Variants in FAM13B observed in about 807,000 individuals in gnomAD.
FAM13B encodes the protein protein FAM13B.
In FAM13B, 60 loss-of-function variants were observed where a neutral mutation model predicts 117.3. That is an observed-to-expected ratio of 0.51 (90% CI 0.42 to 0.63). FAM13B has a LOEUF of 0.63. Among genes scored for constraint, FAM13B ranks in the 30% least tolerant of loss-of-function variants. The pLI is 0.00. For synonymous variants in FAM13B, 332 were observed against 356.1 expected (o/e 0.93, Z 0.76); for missense variants, 972 against 1,091.9 (o/e 0.89, Z 1.55).
chr5:138,002,835 T>A (rs1781627606), intron 7 of FAM13B, among the ~76,000 whole-genome samples: 1 of 148,992 alleles, frequency 6.7e-6, no homozygotes, highest in South Asian at 2.1e-4. Context: ...CCGGCTAATT[T>A]TTTTTTTTTT....
intron 1 of FAM13B, among the ~76,000 whole-genome samples, chr5:138,047,567 C>A (rs2151132086): frequency 1.3e-5 from 2 of 152,108 alleles, no homozygotes; most frequent in South Asian, 4.2e-4. Context: ...TGTTACGGCA[C>A]ATAACAAATG....
At chr5:138,020,609 A>G (rs1786475613) in intron 2 of FAM13B, among the ~76,000 whole-genome samples, 1 of 152,228 alleles carries the variant, frequency 6.6e-6, no homozygotes, top group Admixed American at 6.5e-5. Context: ...TGTAAAAGAA[A>G]GAAAAACTCA....
At chr5:138,033,426 G>A (rs1214974817), upstream of FAM13B, among the ~76,000 whole-genome samples, 1 of 152,208 alleles carries the variant, frequency 6.6e-6, no homozygotes, top group Admixed American at 6.5e-5. Flanking sequence ...ATCCAGGTGA[G>A]GAGCACAGAG....
chr5:137,939,067 AAAAAAGATATGCT>A lies in FAM13B; in HGVS notation c.*1145_*1157del, dbSNP rs1760934869. 6.6e-6 allele frequency: 1 copy of A among 152,186 alleles called. No homozygotes were observed. Among genetic ancestry groups the A allele is most frequent in the South Asian group, 2.1e-4 (1 of 4,824 alleles). 9.4% of individuals were successfully genotyped at this position (152,186 alleles called of 1,614,324 possible). On this transcript the variant is annotated 3_prime_UTR_variant, in exon 24 of 24. Transcript: ENST00000689681. ...AGAAAAGCCATGCAAAGCCAAAGGA[AAAAAAGATATGCT>A]AAGAGTATATGACAAGGGGCATACC...
intron 10 of FAM13B, among the ~76,000 whole-genome samples, chr5:137,966,037 G>A (rs1280268470): frequency 6.0e-5 from 9 of 150,984 alleles, no homozygotes; most frequent in Admixed American, 4.0e-4. Flanking sequence ...AAAATCTATA[G>A]TGAATAATCT....
rs1242434810 is a variant in FAM13B, at chr5:137,938,505, T to C, written c.*1720A>G. 3 of 152,598 alleles carry C rather than the reference T, an allele frequency of 2.0e-5. No individual in the cohort carries two copies. Among genetic ancestry groups the C allele is most frequent in the Non-Finnish European group, 2.9e-5 (2 of 68,032 alleles). 9.5% of individuals were successfully genotyped at this position (152,598 alleles called of 1,614,324 possible). A position where few individuals can be genotyped will look rare whatever the true frequency, so the allele number is the denominator to read the frequency against. On this transcript the variant is annotated 3_prime_UTR_variant, in exon 24 of 24. Coordinates refer to ENST00000689681, the MANE Select transcript of FAM13B (RefSeq NM_001385994.1). ...GATGGATTCAAATAAAAATGATACA[T>C]CTTTTGGTATTTTCAATTTCACTTT...
chr5:137,969,022 G>A (rs958178538), intron 10 of FAM13B, among the ~76,000 whole-genome samples: 14 of 152,198 alleles, frequency 9.2e-5, no homozygotes, highest in East Asian at 7.7e-4. Context: ...AGGCGGCAGC[G>A]AGGCTGGGGG....
chr5:138,046,570 T>C (rs1290426872), intron 1 of FAM13B, among the ~76,000 whole-genome samples: 1 of 152,204 alleles, frequency 6.6e-6, no homozygotes, highest in Non-Finnish European at 1.5e-5. Context: ...ATTTTAAAAG[T>C]TGGAAACAAC....
intron 1 of FAM13B, among the ~76,000 whole-genome samples, chr5:138,038,901 A>G (rs1449153293): frequency 6.6e-6 from 1 of 152,186 alleles, no homozygotes. Context: ...CATCTTACAT[A>G]TCTCTGGAAT....
At chr5:137,948,066 A>G (rs1300764184) in intron 18 of FAM13B, among the ~76,000 whole-genome samples, 1 of 152,048 alleles carries the variant, frequency 6.6e-6, no homozygotes, top group Non-Finnish European at 1.5e-5. Context: ...ACCTGAGACC[A>G]TCTACTCTCT....
At chr5:137,994,661 C>G (rs1779427910) in intron 7 of FAM13B, among the ~76,000 whole-genome samples, 1 of 152,182 alleles carries the variant, frequency 6.6e-6, no homozygotes, top group Non-Finnish European at 1.5e-5. Context: ...TGTATTCATT[C>G]AACCCCTAGA....
In FAM13B at chr5:138,006,978, C is replaced by G; in HGVS notation, c.848+12G>C. 1.9e-6 allele frequency: 3 copies of G among 1,589,824 alleles called. No homozygotes were observed. The highest frequency in any genetic ancestry group is 2.6e-6 in the Non-Finnish European group (3 of 1,172,152). ...TACTCAAAAGCTAAAGTTCATTCAA[C>G]TGAGCTATTACCTTGTTGCCGTAAC... On this transcript the variant is annotated intron_variant, in intron 7 of 23. Coordinates refer to ENST00000689681, the MANE Select transcript of FAM13B (RefSeq NM_001385994.1).
At chr5:138,014,406 G>A (rs1441521026) in intron 4 of FAM13B, among the ~76,000 whole-genome samples, 1 of 152,240 alleles carries the variant, frequency 6.6e-6, no homozygotes, top group Admixed American at 6.5e-5. Context: ...TCTCATAGGA[G>A]CAAGAATGCT....
chr5:138,031,330 A>C (rs1581311222), intron 1 of FAM13B, among the ~76,000 whole-genome samples: 1 of 152,190 alleles, frequency 6.6e-6, no homozygotes, highest in African/African-American at 2.4e-5. Flanking sequence ...CACGTGTCTA[A>C]ATTAGTAATA....
intron 9 of FAM13B, among the ~76,000 whole-genome samples, chr5:137,987,216 G>GA (rs1166757254): frequency 3.3e-5 from 5 of 150,560 alleles, no homozygotes; most frequent in South Asian, 2.1e-4. Flanking sequence ...ATGTTCAGGG[G>GA]AAAAAAAACA....
chr5:138,022,225 C>T (rs1786949645), intron 1 of FAM13B, among the ~76,000 whole-genome samples: 1 of 152,076 alleles, frequency 6.6e-6, no homozygotes, highest in Admixed American at 6.5e-5. Context: ...CTCTTCTTTG[C>T]ATAATGCTAA....
At chr5:137,978,186 A>G (rs1327284256) in intron 10 of FAM13B, among the ~76,000 whole-genome samples, 2 of 152,018 alleles carry the variant, frequency 1.3e-5, no homozygotes, top group Non-Finnish European at 2.9e-5. Flanking sequence ...TTATCTAATC[A>G]TTTTCCATTT....
At chr5:138,011,686 G>C in intron 5 of FAM13B, 82 bp downstream of exon 5, 1 of 963,848 alleles carries the variant, frequency 1.0e-6, no homozygotes, top group Admixed American at 2.6e-5. Flanking sequence ...CCAAAGTGCT[G>C]GGATTACAGG....
At chr5:138,015,455 C>A (rs1020364903) in intron 4 of FAM13B, among the ~76,000 whole-genome samples, 1 of 152,212 alleles carries the variant, frequency 6.6e-6, no homozygotes, top group Non-Finnish European at 1.5e-5. Flanking sequence ...GTAATTCCAG[C>A]ACTCTGGGAG....
Sources: allele counts gnomAD v4.1 joint callset (sites outside exome capture counted in the v4.1 genomes callset), GRCh38; gene constraint gnomAD v4.1.1; transcripts MANE v1.5; gene names NCBI Gene and HGNC (gene_info 2026-07-23, HGNC 2026-07-21).